Variants in RCC1L observed in about 807,000 individuals in gnomAD.
RCC1L encodes the protein RCC1-like G exchanging factor-like protein.
In RCC1L, 46 loss-of-function variants were observed where a neutral mutation model predicts 58.6. That is an observed-to-expected ratio of 0.79 (90% confidence interval 0.62 to 1.00). The LOEUF (loss-of-function observed/expected upper bound fraction) is 1.00, where lower values mean the gene tolerates loss of function less well. Among genes scored for constraint, RCC1L ranks in the 50% least tolerant of loss-of-function variants. The probability of loss-of-function intolerance (pLI) is 0.00; values close to 1 mark genes in which losing one functional copy is unlikely to be tolerated. For synonymous variants in RCC1L, 281 were observed against 262.9 expected (o/e 1.07, Z -0.67); for missense variants, 636 against 623.6 (o/e 1.02, Z -0.21).
At chr7:75,034,215 G>A (rs1183033327) in intron 10 of RCC1L, among the ~76,000 whole-genome samples, 1 of 152,134 alleles carries the variant, frequency 6.6e-6, no homozygotes, top group Non-Finnish European at 1.5e-5. Context: ...GAGGACAGCC[G>A]AGAAAGAAAG....
chr7:75,073,462 C>T lies in RCC1L; in HGVS notation c.276G>A (p.Pro92=). 2.2e-6 allele frequency: 3 copies of T among 1,374,284 alleles called. No individual in the cohort carries two copies. Among genetic ancestry groups the T allele is most frequent in the South Asian group, 3.3e-5 (2 of 59,924 alleles). 85.1% of individuals were successfully genotyped at this position (1,374,284 alleles called of 1,614,324 possible). A position where few individuals can be genotyped will look rare whatever the true frequency, so the allele number is the denominator to read the frequency against. ...SGPGPRAGAR[P]RRRIQPVPYR... ...AGGGCACGGGCTGGATCCTGCGGCG[C>T]GGTCGGGCGCCGGCGCGGGGCCCGG... is the stretch of plus-strand genomic sequence containing the variant. Residue 92 remains proline, a synonymous_variant, in exon 1 of 11, where the codon CCG becomes CCA. Coordinates refer to ENST00000610322, the MANE Select transcript of RCC1L (RefSeq NM_030798.5).
chr7:75,029,747 G>T (rs2131964695), intron 10 of RCC1L, among the ~76,000 whole-genome samples: 1 of 152,328 alleles, frequency 6.6e-6, no homozygotes, highest in South Asian at 2.1e-4. Flanking sequence ...TGGAGCATTG[G>T]AGACATTGGT....
At chr7:75,028,138 G>C (rs1805190015) in intron 10 of RCC1L, 2 of 1,183,066 alleles carry the variant, frequency 1.7e-6, no homozygotes, top group South Asian at 3.0e-5. Flanking sequence ...TTTTTTTTGA[G>C]ACGGAGTCTT....
chr7:75,033,492 C>G (rs961724525), intron 10 of RCC1L, among the ~76,000 whole-genome samples: 8 of 151,930 alleles, frequency 5.3e-5, no homozygotes, highest in African/African-American at 1.9e-4. Flanking sequence ...GTCAGGGGTT[C>G]GAGACCAGCC....
chr7:75,029,128 C>T (rs1202488847), intron 10 of RCC1L, among the ~76,000 whole-genome samples: 6 of 152,218 alleles, frequency 3.9e-5, no homozygotes, highest in Admixed American at 3.9e-4. Context: ...GGCCAGGCCC[C>T]TGTTAAAGCC....
At chr7:75,067,194 G>A (rs1255911997) in intron 2 of RCC1L, among the ~76,000 whole-genome samples, 6 of 151,962 alleles carry the variant, frequency 3.9e-5, no homozygotes, top group Admixed American at 6.6e-5. Flanking sequence ...CCAGCTACTC[G>A]GGAGGCTGAG....
At chr7:75,055,571 C>T (rs923348374) in intron 9 of RCC1L, 20 of 380,354 alleles carry the variant, frequency 5.3e-5, no homozygotes, top group East Asian at 1.9e-4. Flanking sequence ...CCCATGGATC[C>T]GCCAAGCCTC....
chr7:75,064,511 A>G, intron 4 of RCC1L, 71 bp downstream of exon 4: 3 of 1,579,986 alleles, frequency 1.9e-6, no homozygotes, highest in Non-Finnish European at 2.6e-6. Context: ...CGGGTTTACC[A>G]CAGTCATCTC....
rs868934084 is a variant in RCC1L, at chr7:75,064,711, C to A, written c.584-63G>T. ...TTTGTGGGATCCTAGAATGTGAGGA[C>A]TGGAAGGGGTCTCGCTGGTGGTCCC... On this transcript the variant is annotated intron_variant, in intron 3 of 10. Coordinates refer to ENST00000610322, the MANE Select transcript of RCC1L (RefSeq NM_030798.5). 6 of 1,576,160 alleles carry A rather than the reference C, an allele frequency of 3.8e-6. No homozygotes were observed. In the Middle Eastern group the frequency reaches 1.0e-3, roughly 263 times the overall value.
intron 9 of RCC1L, among the ~76,000 whole-genome samples, chr7:75,053,279 T>G (rs1584494792): frequency 2.2e-5 from 3 of 133,626 alleles, no homozygotes; most frequent in Non-Finnish European, 3.2e-5. Flanking sequence ...GGAGCTGGGG[T>G]CTGGGGGTGG....
At chr7:75,066,925 G>C (rs1806514004) in intron 2 of RCC1L, 133 bp from the exon 3 acceptor site, 1 of 1,255,750 alleles carries the variant, frequency 8.0e-7, no homozygotes, top group South Asian at 1.7e-5. Context: ...GGTAAGTTAG[G>C]CGCAGAGCAA....
Position 75,073,478 on chromosome 7 carries a change from C to T in RCC1L, c.260G>A (p.Arg87His). The change falls in exon 1 of 11, where the codon CGC (arginine) becomes CAC (histidine). Residue 87 changes from arginine (R) to histidine (H), a missense_variant. Physicochemically the swap from Arg to His is conservative, Grantham distance 29 (BLOSUM62 0). Transcript: ENST00000610322. ...FVVPSSGPGP[R>H]AGARPRRRIQ... is the part of the protein sequence containing the mutation. ...CCTGCGGCGCGGTCGGGCGCCGGCG[C>T]GGGGCCCGGGCCCGGAGCTGGGCAC... The T allele has an allele frequency of 2.2e-6, 3 of 1,382,944 alleles. No individual in the cohort carries two copies. The Middle Eastern group carries it at 5.9e-4, about 271-fold the overall frequency. The allele number at this position is 1,382,944 out of a possible 1,614,324, so 85.7% of individuals were successfully genotyped here.
intron 10 of RCC1L, among the ~76,000 whole-genome samples, chr7:75,045,430 T>C (rs1805690374): frequency 6.6e-6 from 1 of 152,154 alleles, no homozygotes; most frequent in Non-Finnish European, 1.5e-5. Flanking sequence ...TTCTCCTGCT[T>C]CAGCCTCCCG....
At chr7:75,052,819 G>A in intron 9 of RCC1L, 23 bp from the exon 10 acceptor site, 2 of 1,605,728 alleles carry the variant, frequency 1.2e-6, no homozygotes, top group Non-Finnish European at 1.7e-6. Context: ...GAAAACAGGG[G>A]TTGGTTGGGA....
intron 10 of RCC1L, among the ~76,000 whole-genome samples, chr7:75,035,834 A>T (rs1305738444): frequency 1.3e-5 from 2 of 151,894 alleles, no homozygotes; most frequent in Non-Finnish European, 2.9e-5. Context: ...AGGTCCCCCC[A>T]TCTCTACAAA....
rs2115577020 is a variant in RCC1L at position 75,073,426 on chromosome 7, C to T, written c.312G>A (p.Glu104=). ...CCGCGGCCTGCACCTTTTGGTCCAG[C>T]TCCAGGCGATAGGGCACGGGCTGGA... The part of the protein sequence containing the change: ...RRIQPVPYRL[E]LDQKISSAAC... The change falls in exon 1 of 11, where the codon GAG becomes GAA. Residue 104 remains glutamate, a synonymous_variant. Transcript: ENST00000610322. 1 of 1,310,154 alleles carries T rather than the reference C, an allele frequency of 7.6e-7. No individual in the cohort carries two copies. The allele number at this position is 1,310,154 out of a possible 1,614,324, so 81.2% of individuals were successfully genotyped here. A position where few individuals can be genotyped will look rare whatever the true frequency, so the allele number is the denominator to read the frequency against.
intron 2 of RCC1L, 25 bp downstream of exon 2, chr7:75,070,615 G>C: frequency 1.2e-6 from 2 of 1,611,786 alleles, no homozygotes; most frequent in Non-Finnish European, 1.7e-6. Context: ...TCCCGGCAAA[G>C]AGGAGACAAG....
At chr7:75,029,206 C>T (rs990805257) in intron 10 of RCC1L, among the ~76,000 whole-genome samples, 1 of 152,130 alleles carries the variant, frequency 6.6e-6, no homozygotes, top group African/African-American at 2.4e-5. Context: ...TCCTCCTGGC[C>T]ACATTTTCCA....
At chr7:75,040,705 G>A (rs1029275448), downstream of RCC1L, among the ~76,000 whole-genome samples, 8 of 152,058 alleles carry the variant, frequency 5.3e-5, no homozygotes, top group African/African-American at 7.2e-5. Flanking sequence ...CTGCAGAGGC[G>A]ACTTTAGACC....
Sources: gnomAD v4.1 joint callset for allele counts (sites outside exome capture counted in the v4.1 genomes callset) on GRCh38, gnomAD v4.1.1 for gene constraint, MANE v1.5 for transcripts, NCBI Gene and HGNC (gene_info 2026-07-23, HGNC 2026-07-21) for gene names.